The following PTPRD variants were observed in gnomAD, a reference collection of about 807,000 sequenced individuals.
PTPRD encodes receptor-type tyrosine-protein phosphatase delta.
A neutral mutation model predicts 214.5 loss-of-function variants in PTPRD; 34 were observed. That is an observed-to-expected ratio of 0.16 (90% CI 0.12 to 0.21). The LOEUF (loss-of-function observed/expected upper bound fraction) is 0.21, where lower values mean the gene tolerates loss of function less well. Among genes scored for constraint, PTPRD ranks in the 10% least tolerant of loss-of-function variants. The pLI, the probability that PTPRD is intolerant of heterozygous loss-of-function variation, is 1.00. For synonymous variants in PTPRD, 1,128 were observed against 845.7 expected, an observed-to-expected ratio of 1.33 and a Z score of -5.79; for missense variants, 2,545 against 2,398.7, an observed-to-expected ratio of 1.06 and a Z score of -1.27.
At chr9:8,846,007 A>G (rs908294917) in intron 11 of PTPRD, among the ~76,000 whole-genome samples, 1 of 152,204 alleles carries the variant, frequency 6.6e-6, no homozygotes, top group African/African-American at 2.4e-5. Context: ...TTTTGGTTCA[A>G]TAATGGCCAT....
intron 8 of PTPRD, among the ~76,000 whole-genome samples, chr9:9,418,118 T>G (rs1322291904): frequency 1.3e-5 from 2 of 152,178 alleles, no homozygotes; most frequent in African/African-American, 4.8e-5. Flanking sequence ...TCCACATACA[T>G]AAGACTTGCA....
intron 21 of PTPRD, among the ~76,000 whole-genome samples, chr9:8,515,845 G>C (rs147978068): frequency 6.6e-6 from 1 of 152,184 alleles, no homozygotes; most frequent in Admixed American, 6.5e-5. Context: ...CCTAGTATGT[G>C]GTTCTTTTTT....
chr9:10,051,349 G>A (rs545377682), intron 3 of PTPRD, among the ~76,000 whole-genome samples: 11 of 152,140 alleles, frequency 7.2e-5, no homozygotes, highest in African/African-American at 2.7e-4. Context: ...GAGCCCTCTT[G>A]CAGCTAGCAC....
At chr9:10,602,035 G>C (rs906652593) in intron 2 of PTPRD, among the ~76,000 whole-genome samples, 2 of 151,748 alleles carry the variant, frequency 1.3e-5, no homozygotes, top group African/African-American at 4.8e-5. Context: ...TGAAATAAAT[G>C]TCACAAAACA....
intron 2 of PTPRD, among the ~76,000 whole-genome samples, chr9:10,438,689 G>A (rs1323699319): frequency 1.3e-5 from 2 of 151,546 alleles, no homozygotes; most frequent in Non-Finnish European, 2.9e-5. Context: ...TGTATTTACA[G>A]TTTGGCAAAG....
chr9:9,462,178 G>A (rs538485160), intron 8 of PTPRD, among the ~76,000 whole-genome samples: 3 of 152,064 alleles, frequency 2.0e-5, no homozygotes, highest in Non-Finnish European at 2.9e-5. Context: ...TTTCAATATC[G>A]GGAATCTAAA....
chr9:10,424,569 T>C (rs1178574835), intron 2 of PTPRD, among the ~76,000 whole-genome samples: 1 of 151,872 alleles, frequency 6.6e-6, no homozygotes, highest in African/African-American at 2.4e-5. Flanking sequence ...CGCTTACTTG[T>C]CCTCTCTCCC....
At chr9:10,272,295 A>G (rs2094464448) in intron 3 of PTPRD, among the ~76,000 whole-genome samples, 1 of 152,184 alleles carries the variant, frequency 6.6e-6, no homozygotes, top group South Asian at 2.1e-4. Context: ...TTCGCTTTTT[A>G]TTGCCAATAA....
At chr9:10,315,426 T>C (rs1283867239) in intron 3 of PTPRD, among the ~76,000 whole-genome samples, 1 of 151,924 alleles carries the variant, frequency 6.6e-6, no homozygotes, top group Non-Finnish European at 1.5e-5. Flanking sequence ...CTTCTGAAAT[T>C]GGAATGTCTA....
In PTPRD at chr9:8,319,957, A is replaced by G. The variant is rs199730872; in HGVS notation, c.5544T>C (p.Val1848=). ...GPISVHCSAG[V]GRTGVFITLS... ...GCGTTATGAAGACTCCAGTTCTTCC[A>G]ACGCCCGCGCTGCCACAATAACAAA... The change falls in exon 45 of 46, where the codon GTT becomes GTC. Residue 1848 remains valine (V), a synonymous_variant. Coordinates refer to ENST00000381196, the MANE Select transcript of PTPRD (RefSeq NM_002839.4). 5.0e-6 allele frequency: 8 copies of G among 1,611,966 alleles called. No homozygotes were observed. The Admixed American group carries it at 1.3e-4, about 27-fold the overall frequency.
intron 11 of PTPRD, among the ~76,000 whole-genome samples, chr9:8,984,221 A>T (rs563900050): frequency 6.6e-6 from 1 of 152,188 alleles, no homozygotes; most frequent in South Asian, 2.1e-4. Flanking sequence ...TAAAGTTAAA[A>T]TTTTAATTTA....
At position 9,833,681 on chromosome 9, in the gene PTPRD, A is replaced by C. The variant is rs7466644; in HGVS notation, c.-367-66830T>G. The stretch of plus-strand genomic sequence containing the variant: ...ACCATAAGAGACAGGTACGCTCCGG[A>C]GAGGGGGGCAGTTCAGAGACCTACC... On this transcript the variant is annotated intron_variant, in intron 5 of 45. Coordinates refer to ENST00000381196, the MANE Select transcript of PTPRD (RefSeq NM_002839.4). Among the ~76,000 whole-genome samples, 22 of 98,674 alleles carry C rather than the reference A, an allele frequency of 2.2e-4. 2 individuals are homozygous for C. The highest frequency in any genetic ancestry group is 1.1e-3 in the East Asian group (4 of 3,610). 64.7% of individuals were successfully genotyped at this position (98,674 alleles called of 152,430 possible).
At chr9:9,265,802 TAAAG>T (rs1038494402) in intron 9 of PTPRD, among the ~76,000 whole-genome samples, 3 of 148,466 alleles carry the variant, frequency 2.0e-5, no homozygotes, top group Non-Finnish European at 3.0e-5. Flanking sequence ...TAAAAAAAAA[TAAAG>T]AAAGGAACAA....
intron 9 of PTPRD, among the ~76,000 whole-genome samples, chr9:9,297,464 C>A (rs774572521): frequency 6.6e-6 from 1 of 151,394 alleles, no homozygotes; most frequent in Non-Finnish European, 1.5e-5. Flanking sequence ...ACAAAAAAAT[C>A]CCAATAAATA....
intron 11 of PTPRD, among the ~76,000 whole-genome samples, chr9:8,988,324 A>G (rs2099353505): frequency 6.6e-6 from 1 of 152,106 alleles, no homozygotes; most frequent in African/African-American, 2.4e-5. Flanking sequence ...AGATGTTTAA[A>G]TAAAGAAATA....
chr9:9,315,903 G>A (rs912822843), intron 9 of PTPRD, among the ~76,000 whole-genome samples: 4 of 142,914 alleles, frequency 2.8e-5, no homozygotes, highest in Non-Finnish European at 4.5e-5. Context: ...CCTCAGCTAC[G>A]GAAAGCTTTT....
chr9:10,157,734 G>T (rs1282085956), intron 3 of PTPRD, among the ~76,000 whole-genome samples: 2 of 152,224 alleles, frequency 1.3e-5, no homozygotes, highest in South Asian at 4.1e-4. Context: ...ATGTTTTCAA[G>T]TTGGTTCCAT....
intron 8 of PTPRD, among the ~76,000 whole-genome samples, chr9:9,406,185 A>G (rs1018765067): frequency 6.6e-6 from 1 of 151,998 alleles, no homozygotes; most frequent in African/African-American, 2.4e-5. Context: ...ACACATTAAA[A>G]TTATCACCTG....
At chr9:8,541,563 G>C (rs1211613670) in intron 14 of PTPRD, among the ~76,000 whole-genome samples, 1 of 152,028 alleles carries the variant, frequency 6.6e-6, no homozygotes, top group Non-Finnish European at 1.5e-5. Context: ...ATGGGTTTTT[G>C]CTATGTTCCC....
Sources: allele counts gnomAD v4.1 joint callset (sites outside exome capture counted in the v4.1 genomes callset), GRCh38; gene constraint gnomAD v4.1.1; transcripts MANE v1.5; gene names NCBI Gene and HGNC (gene_info 2026-07-23, HGNC 2026-07-21).